The following FANCC variants were observed in gnomAD, a reference collection of about 807,000 sequenced individuals.
The protein encoded by FANCC is FA complementation group C, also known as Fanconi anemia group C protein.
FANCC carries 55 observed loss-of-function variants against 71.3 expected under a neutral mutation model. That is an observed-to-expected ratio of 0.77 (90% confidence interval 0.62 to 0.97). The LOEUF is 0.97. Ranked by LOEUF, FANCC falls within the 50% of genes least tolerant of loss-of-function variation. The pLI is 0.00. For synonymous variants in FANCC, 275 were observed against 244.9 expected (o/e 1.12, Z -1.15); for missense variants, 678 against 670.9 (o/e 1.01, Z -0.12).
intron 10 of FANCC, among the ~76,000 whole-genome samples, chr9:95,117,642 C>T (rs567837145): frequency 6.6e-6 from 1 of 151,914 alleles, no homozygotes; most frequent in African/African-American, 2.4e-5. Flanking sequence ...AGTTCTACTT[C>T]ACATGAACCC....
intron 4 of FANCC, among the ~76,000 whole-genome samples, chr9:95,175,589 G>A (rs1357869805): frequency 2.6e-5 from 4 of 152,264 alleles, no homozygotes; most frequent in Non-Finnish European, 4.4e-5. Flanking sequence ...CTGGGAGAGA[G>A]AGGGAGCAGC....
intron 4 of FANCC, among the ~76,000 whole-genome samples, chr9:95,194,911 C>T (rs1392697014): frequency 6.6e-6 from 1 of 152,032 alleles, no homozygotes; most frequent in African/African-American, 2.4e-5. Flanking sequence ...GAAACTATGC[C>T]TAGTTTGGCC....
rs975553977 is a variant in FANCC, at chr9:95,252,295, GA to G, written c.-78-2927del. 2.4e-4 allele frequency among the ~76,000 whole-genome samples: 23 copies of G among 95,406 alleles called. No homozygotes were observed. The East Asian group carries it at 2.6e-3, about 11-fold the overall frequency. 62.6% of individuals were successfully genotyped at this position (95,406 alleles called of 152,430 possible). A position where few individuals can be genotyped will look rare whatever the true frequency, so the allele number is the denominator to read the frequency against. On this transcript the variant is annotated intron_variant, in intron 1 of 14. Coordinates refer to ENST00000289081, the MANE Select transcript of FANCC (RefSeq NM_000136.3). ...GATTCAAAAAAAAAAAAAAAAAAAA[GA>G]AAAAAAAAAGAAACAAAGAAACTGA...
At chr9:95,286,322 C>T (rs912606709) in intron 1 of FANCC, among the ~76,000 whole-genome samples, 3 of 152,186 alleles carry the variant, frequency 2.0e-5, no homozygotes, top group Admixed American at 2.0e-4. Context: ...TAGGGAAATT[C>T]CATTCCCTTG....
At chr9:95,188,581 T>C (rs900711502) in intron 4 of FANCC, among the ~76,000 whole-genome samples, 1 of 152,190 alleles carries the variant, frequency 6.6e-6, no homozygotes. Context: ...TTGGTACATA[T>C]TGCTCCTGTC....
intron 1 of FANCC, among the ~76,000 whole-genome samples, chr9:95,287,764 T>C (rs1833771937): frequency 6.6e-6 from 1 of 152,230 alleles, no homozygotes; most frequent in South Asian, 2.1e-4. Context: ...GGAATTAAAC[T>C]AGAAAATTCT....
intron 4 of FANCC, among the ~76,000 whole-genome samples, chr9:95,173,844 A>G (rs560681759): frequency 6.6e-6 from 1 of 152,284 alleles, no homozygotes; most frequent in African/African-American, 2.4e-5. Flanking sequence ...CTCGAGCTCC[A>G]GAAATTGAGG....
intron 4 of FANCC, among the ~76,000 whole-genome samples, chr9:95,187,258 T>G (rs551799514): frequency 7.4e-4 from 112 of 152,288 alleles, no homozygotes; most frequent in African/African-American, 2.6e-3. Flanking sequence ...GCAGTTCGGA[T>G]GAGCATGGAG....
intron 4 of FANCC, among the ~76,000 whole-genome samples, chr9:95,176,683 T>A (rs569740302): frequency 6.6e-6 from 1 of 152,378 alleles, no homozygotes; most frequent in African/African-American, 2.4e-5. Flanking sequence ...AAGCCACCCA[T>A]AAACAGGTGG....
At chr9:95,125,821 A>C (rs1825895540) in intron 9 of FANCC, among the ~76,000 whole-genome samples, 2 of 152,166 alleles carry the variant, frequency 1.3e-5, no homozygotes, top group Admixed American at 6.5e-5. Context: ...GGCTAGAGAG[A>C]GAGCTGATAT....
chr9:95,219,244 T>C (rs772403968), intron 4 of FANCC, among the ~76,000 whole-genome samples: 1 of 152,264 alleles, frequency 6.6e-6, no homozygotes, highest in South Asian at 2.1e-4. Flanking sequence ...GCAGAACAGC[T>C]GAGTCTCTGT....
chr9:95,203,340 T>G (rs1827913740), intron 4 of FANCC, among the ~76,000 whole-genome samples: 1 of 136,136 alleles, frequency 7.3e-6, no homozygotes, highest in Admixed American at 8.4e-5. Flanking sequence ...GGAGGGCACT[T>G]CAGCCTCGTG....
intron 4 of FANCC, among the ~76,000 whole-genome samples, chr9:95,214,285 A>G (rs187009265): frequency 1.1e-3 from 162 of 152,266 alleles, no homozygotes; most frequent in African/African-American, 3.8e-3. Flanking sequence ...TTGGAAAATT[A>G]GCTGAGCATG....
chr9:95,128,486 T>G (rs563020599), intron 8 of FANCC, among the ~76,000 whole-genome samples: 4 of 152,358 alleles, frequency 2.6e-5, no homozygotes, highest in African/African-American at 9.6e-5. Context: ...TTCTATAGGT[T>G]TGATGCTAGT....
intron 4 of FANCC, among the ~76,000 whole-genome samples, chr9:95,229,903 G>A (rs1253272582): frequency 6.6e-6 from 1 of 151,588 alleles, no homozygotes. Context: ...AAAAGAGAAG[G>A]GAAAAAATTC....
chr9:95,249,759 T>C lies in FANCC; in HGVS notation c.-78-390A>G, dbSNP rs982707982. On this transcript the variant is annotated intron_variant, in intron 1 of 14. Coordinates refer to ENST00000289081, the MANE Select transcript of FANCC (RefSeq NM_000136.3). ...TCCATGAGTGTTTAATAATAGTCTG[T>C]GCCTAAGAAATGTTTTTGAAGTTCT... 1.2e-4 allele frequency among the ~76,000 whole-genome samples: 19 copies of C among 152,372 alleles called. 1 individual carries two copies. Among genetic ancestry groups the C allele is most frequent in the Admixed American group, 9.1e-4 (14 of 15,304 alleles).
Position 95,172,017 on chromosome 9 carries a change from G to A in FANCC, c.456+20C>T, listed in dbSNP as rs1057520283. On this transcript the variant is annotated intron_variant, in intron 5 of 14. Transcript: ENST00000289081. Reference sequence around the variant, plus strand: ...ATTCAGCATTAAACATTTCAAAAGTGATAAATTTTAAATACTCACATTTTT... The same window carrying A: ...ATTCAGCATTAAACATTTCAAAAGTAATAAATTTTAAATACTCACATTTTT... 2 of 1,430,134 alleles carry A rather than the reference G, an allele frequency of 1.4e-6. No homozygotes were observed. Among genetic ancestry groups the A allele is most frequent in the Non-Finnish European group, 2.0e-6 (2 of 1,013,110 alleles). The allele number at this position is 1,430,134 out of a possible 1,614,324, so 88.6% of individuals were successfully genotyped here. A position where few individuals can be genotyped will look rare whatever the true frequency, so the allele number is the denominator to read the frequency against.
At chr9:95,103,043 T>C (rs142555186) in intron 14 of FANCC, among the ~76,000 whole-genome samples, 32 of 152,282 alleles carry the variant, frequency 2.1e-4, no homozygotes, top group African/African-American at 7.0e-4. Context: ...ATAGTGCTGA[T>C]GGCCTTCGGT....
intron 4 of FANCC, among the ~76,000 whole-genome samples, chr9:95,232,766 A>G (rs924233551): frequency 6.6e-6 from 1 of 152,170 alleles, no homozygotes; most frequent in African/African-American, 2.4e-5. Context: ...TGTGAATATG[A>G]CCTGTTTTCT....
Sources: gnomAD v4.1 joint callset for allele counts (sites outside exome capture counted in the v4.1 genomes callset) on GRCh38, gnomAD v4.1.1 for gene constraint, MANE v1.5 for transcripts, NCBI Gene and HGNC (gene_info 2026-07-23, HGNC 2026-07-21) for gene names.